Variants in PDZK1 observed in about 807,000 individuals in gnomAD.
The protein encoded by PDZK1 is Na(+)/H(+) exchange regulatory cofactor NHE-RF3.
PDZK1 carries 23 observed loss-of-function variants against 38.1 expected under a neutral mutation model. That is an observed-to-expected ratio of 0.60 (90% CI 0.43 to 0.85). The LOEUF is 0.85. Ranked by LOEUF, PDZK1 falls within the 40% of genes least tolerant of loss-of-function variation. The pLI is 0.00. For synonymous variants in PDZK1, 98 were observed against 186.2 expected (o/e 0.53, Z 3.86); for missense variants, 297 against 504.3 (o/e 0.59, Z 3.94).
chr1:145,675,091 T>C (rs1468065639), intron 6 of PDZK1, among the ~76,000 whole-genome samples: 1 of 151,724 alleles, frequency 6.6e-6, no homozygotes, highest in Non-Finnish European at 1.5e-5. Flanking sequence ...ACTTCTATTA[T>C]GCCAAACTCT....
intron 5 of PDZK1, among the ~76,000 whole-genome samples, chr1:145,679,840 T>G (rs1478609034): frequency 2.0e-5 from 3 of 152,218 alleles, no homozygotes; most frequent in African/African-American, 7.2e-5. Context: ...CTCATCAGTC[T>G]TGCATAGAAG....
intron 3 of PDZK1, among the ~76,000 whole-genome samples, chr1:145,683,785 A>C (rs1349619323): frequency 1.2e-4 from 19 of 152,180 alleles, no homozygotes; most frequent in African/African-American, 4.6e-4. Flanking sequence ...CTCAGCATAC[A>C]GTATTTTTTC....
intron 5 of PDZK1, among the ~76,000 whole-genome samples, chr1:145,680,603 C>G (rs1311723942): frequency 2.0e-5 from 3 of 152,168 alleles, no homozygotes; most frequent in South Asian, 2.1e-4. Context: ...ATTTACATCA[C>G]AAAATACTAC....
At chr1:145,679,326 T>C (rs1180478454) in intron 5 of PDZK1, among the ~76,000 whole-genome samples, 1 of 152,096 alleles carries the variant, frequency 6.6e-6, no homozygotes, top group Non-Finnish European at 1.5e-5. Flanking sequence ...TGGTTACCTG[T>C]TAGTGGAGCA....
intron 3 of PDZK1, among the ~76,000 whole-genome samples, chr1:145,684,634 T>C (rs587695132): frequency 1.6e-3 from 245 of 152,160 alleles, no homozygotes; most frequent in African/African-American, 5.8e-3. Context: ...TCCTTGAACA[T>C]TTATCATTTC....
chr1:145,671,580 A>G (rs1171676042), intron 8 of PDZK1, 91 bp from the exon 9 acceptor site: 9 of 677,106 alleles, frequency 1.3e-5, no homozygotes, highest in Non-Finnish European at 2.3e-5. Flanking sequence ...GTCGGGGAGT[A>G]GAGTCACTCA....
rs782640451 is a variant in PDZK1, at chr1:145,671,485, T to C, written c.1511A>G (p.His504Arg). The change falls in exon 9 of 9, where the codon CAC (histidine) becomes CGC (arginine). Residue 504 changes from histidine (H) to arginine (R), a missense_variant. Around this residue, in one of 5 missense-constraint regions of PDZK1, gnomAD observed 54 missense variants for 72.1 expected, o/e 0.75. Transcript: ENST00000417171. ...HDSHMAKERA[H>R]STASHSSSNS... ...GGAAGAAGAATGTGAGGCTGTACTG[T>C]GGGCCTGTGTATAAGAAAACAAAGA... 4.3e-5 allele frequency: 67 copies of C among 1,553,034 alleles called. No homozygotes were observed. The highest frequency in any genetic ancestry group is 2.3e-4 in the Middle Eastern group (1 of 4,344).
In PDZK1 at chr1:145,679,405, T is replaced by G. The variant is rs1654020691; in HGVS notation, c.794-760A>C. 6.6e-5 allele frequency among the ~76,000 whole-genome samples: 10 copies of G among 152,140 alleles called. No homozygotes were observed. The South Asian group carries it at 2.1e-3, about 32-fold the overall frequency. ...GCATCCAGTCCCCATATCTAGACGA[T>G]TGCTAAGTCCTCTGATGCTACCATA... On this transcript the variant is annotated intron_variant, in intron 5 of 8. Transcript: ENST00000417171.
Position 145,672,902 on chromosome 1 carries a change from C to T in PDZK1, c.1334G>A (p.Ser445Asn). The T allele has an allele frequency of 6.2e-7, 1 of 1,606,366 alleles. No individual in the cohort carries two copies. Among genetic ancestry groups the T allele is most frequent in the Non-Finnish European group, 8.5e-7 (1 of 1,175,304 alleles). ...TAGAAGTGTGACATTCTTCCCACTG[C>T]TCTGGATTCTATCCACCACCTTCTC... is the stretch of plus-strand genomic sequence containing the variant. Reference protein sequence around the residue: ...PYEKVVDRIQSSGKNVTLLVC... With the variant: ...PYEKVVDRIQNSGKNVTLLVC... Residue 445 changes from serine to asparagine, a missense_variant, in exon 8 of 9, where the codon AGC becomes AAC. By Grantham distance (46) the Ser-to-Asn change is conservative (BLOSUM62 1). Transcript: ENST00000417171.
At chr1:145,690,280 C>T (rs1655132251) in intron 1 of PDZK1, among the ~76,000 whole-genome samples, 1 of 152,076 alleles carries the variant, frequency 6.6e-6, no homozygotes, top group African/African-American at 2.4e-5. Context: ...CTTGAGTTCA[C>T]ATCTATGTCC....
At chr1:145,705,609 G>A (rs2101944795) in intron 1 of PDZK1, among the ~76,000 whole-genome samples, 1 of 152,298 alleles carries the variant, frequency 6.6e-6, no homozygotes, top group East Asian at 1.9e-4. Context: ...ATTTGTAAGT[G>A]AGCAAACAGA....
At chr1:145,677,778 A>T (rs868959272) in intron 6 of PDZK1, among the ~76,000 whole-genome samples, 1,725 of 145,346 alleles carry the variant, frequency 0.012, 19 homozygotes, top group African/African-American at 0.044. Flanking sequence ...TTTAGATTCT[A>T]CTATCATTGT....
intron 1 of PDZK1, among the ~76,000 whole-genome samples, chr1:145,702,411 C>T (rs1485775789): frequency 1.3e-5 from 2 of 152,046 alleles, no homozygotes; most frequent in Non-Finnish European, 2.9e-5. Flanking sequence ...GCTCAACCGC[C>T]TTGAGTGCCA....
chr1:145,672,870 C>G lies in PDZK1; in HGVS notation c.1366G>C (p.Gly456Arg), dbSNP rs781810385. 6.2e-7 allele frequency: 1 copy of G among 1,610,644 alleles called. No homozygotes were observed. The change falls in exon 8 of 9, where the codon GGA becomes CGA. Residue 456 changes from glycine (G) to arginine (R), a missense_variant. Physicochemically the swap from Gly to Arg is moderately radical, Grantham distance 125 (BLOSUM62 -2). Coordinates refer to ENST00000417171, the MANE Select transcript of PDZK1 (RefSeq NM_001201325.2). ...TGGAAATAATCATAGGCCTTCTTTC[C>G]ACAGACTAGAAGTGTGACATTCTTC... is the stretch of plus-strand genomic sequence containing the variant. ...SGKNVTLLVC[G>R]KKAYDYFQAK...
At chr1:145,676,360 T>G (rs1164413670) in intron 6 of PDZK1, 1 of 163,624 alleles carries the variant, frequency 6.1e-6, no homozygotes, top group Non-Finnish European at 1.3e-5. Flanking sequence ...TCATCATTTC[T>G]GGCAGCTTCA....
Position 145,671,500 on chromosome 1 carries a change from G to C in PDZK1, c.1507-11C>G. The C allele has an allele frequency of 2.0e-6, 3 of 1,504,612 alleles. No individual in the cohort carries two copies. The highest frequency in any genetic ancestry group is 2.3e-5 in the South Asian group (2 of 86,730). The allele number at this position is 1,504,612 out of a possible 1,614,324, so 93.2% of individuals were successfully genotyped here. On this transcript the variant is annotated splice_polypyrimidine_tract_variant and intron_variant, in intron 8 of 8. Coordinates refer to ENST00000417171, the MANE Select transcript of PDZK1 (RefSeq NM_001201325.2). Reference sequence around the variant, plus strand: ...GGCTGTACTGTGGGCCTGTGTATAAGAAAACAAAGAATTTACAAATGGTAG... The same window carrying C: ...GGCTGTACTGTGGGCCTGTGTATAACAAAACAAAGAATTTACAAATGGTAG...
chr1:145,672,063 G>T lies in PDZK1; in HGVS notation c.1507-574C>A, dbSNP rs587754779. ...GCTATAAATTTCCTTTATGAACTTGGATAAGTCAGTTTACTTTTCGACCTC... is the reference window on the plus strand; with the variant it reads ...GCTATAAATTTCCTTTATGAACTTGTATAAGTCAGTTTACTTTTCGACCTC... On this transcript the variant is annotated intron_variant, in intron 8 of 8. Transcript: ENST00000417171. Among the ~76,000 whole-genome samples, 10 of 152,178 alleles carry T rather than the reference G, an allele frequency of 6.6e-5. No homozygotes were observed. In the East Asian group the frequency reaches 1.4e-3, roughly 21 times the overall value.
At chr1:145,704,263 CCATGGTTCTACG>C (rs1216998375) in intron 1 of PDZK1, among the ~76,000 whole-genome samples, 2 of 152,192 alleles carry the variant, frequency 1.3e-5, no homozygotes, top group African/African-American at 4.8e-5. Context: ...CATTGGGACC[CCATGGTTCTACG>C]CAGCTTTATG....
intron 1 of PDZK1, among the ~76,000 whole-genome samples, chr1:145,693,661 C>G (rs587772575): frequency 5.3e-5 from 8 of 152,010 alleles, no homozygotes; most frequent in South Asian, 4.2e-4. Context: ...GTGGTCCCAG[C>G]TACTCGGGAG....
Sources: gnomAD v4.1 joint callset for allele counts (sites outside exome capture counted in the v4.1 genomes callset) on GRCh38, gnomAD v4.1.1 for gene constraint, gnomAD v4.1.1 regional missense constraint, MANE v1.5 for transcripts, NCBI Gene and HGNC (gene_info 2026-07-23, HGNC 2026-07-21) for gene names.